Variants in WDR33 observed in about 807,000 individuals in gnomAD.
WDR33 encodes pre-mRNA 3' end processing protein WDR33.
WDR33 carries 47 observed loss-of-function variants against 164.9 expected under a neutral mutation model. The observed-to-expected ratio is 0.29, with a 90% CI of 0.23 to 0.36. The LOEUF (loss-of-function observed/expected upper bound fraction) is 0.36, where lower values mean the gene tolerates loss of function less well. Among genes scored for constraint, WDR33 ranks in the 10% least tolerant of loss-of-function variants. The pLI is 1.00. For synonymous variants in WDR33, 505 were observed against 589.0 expected (o/e 0.86, Z 2.06); for missense variants, 1,137 against 1,754.1 (o/e 0.65, Z 6.28).
chr2:127,805,159 C>G lies in WDR33; in HGVS notation c.-24+5853G>C, dbSNP rs556011073. 1.3e-3 allele frequency among the ~76,000 whole-genome samples: 195 copies of G among 147,360 alleles called. 2 individuals carry two copies. The highest frequency in any genetic ancestry group is 2.3e-3 in the Non-Finnish European group (158 of 67,506). On this transcript the variant is annotated intron_variant, in intron 1 of 21. Coordinates refer to ENST00000322313, the MANE Select transcript of WDR33 (RefSeq NM_018383.5). ...GCAGCAGGATGTCGGCTCACTGCAG[C>G]CTCCACCTCTCTGGCTCAAGCCATC...
At chr2:127,753,115 C>CG (rs1160180800) in intron 7 of WDR33, among the ~76,000 whole-genome samples, 5 of 151,946 alleles carry the variant, frequency 3.3e-5, no homozygotes, top group African/African-American at 1.2e-4. Context: ...TTAGTAGAGA[C>CG]GGGGTTTCAC....
Position 127,768,988 on chromosome 2 carries a change from T to C in WDR33, c.218A>G (p.Gln73Arg). Residue 73 changes from glutamine to arginine, a missense_variant, in exon 3 of 22, where the codon CAA becomes CGA. Around this residue, in one of 9 missense-constraint regions of WDR33, gnomAD observed 55 missense variants for 84.6 expected, o/e 0.65. Transcript: ENST00000322313. ...VIKYLENRIW[Q>R]RDQRDMRAIQ... ...TGCCCGCATATCTCTCTGGTCTCTTTGCCATATTCTGTTCTGTTAAATAAA... is the reference window on the plus strand; with the variant it reads ...TGCCCGCATATCTCTCTGGTCTCTTCGCCATATTCTGTTCTGTTAAATAAA... The C allele has an allele frequency of 6.4e-7, 1 of 1,561,304 alleles. No individual in the cohort carries two copies. The highest frequency in any genetic ancestry group is 8.7e-7 in the Non-Finnish European group (1 of 1,155,872).
Position 127,717,303 on chromosome 2 carries a change from G to A in WDR33, c.2761-40C>T. On this transcript the variant is annotated intron_variant, in intron 16 of 21. Transcript: ENST00000322313. This position sits in a 1 kb window ranked among gnomAD's most constrained non-coding sequence, Gnocchi z 5.6. ...TTAAAGTAAGGGTATGAAATCACAG[G>A]CTTGAGCTACATAAATAGTGATTGC... The A allele has an allele frequency of 6.7e-7, 1 of 1,485,358 alleles. No individual in the cohort carries two copies. Among genetic ancestry groups the A allele is most frequent in the Non-Finnish European group, 9.0e-7 (1 of 1,110,376 alleles). The allele number at this position is 1,485,358 out of a possible 1,614,324, so 92.0% of individuals were successfully genotyped here. A position where few individuals can be genotyped will look rare whatever the true frequency, so the allele number is the denominator to read the frequency against.
rs1238950907 is a variant in WDR33, at chr2:127,701,628, G to A, written c.*4695C>T. 13 of 1,332,126 alleles carry A rather than the reference G, an allele frequency of 9.8e-6. No individual in the cohort carries two copies. The highest frequency in any genetic ancestry group is 3.1e-5 in the East Asian group (1 of 32,514). The allele number at this position is 1,332,126 out of a possible 1,614,324, so 82.5% of individuals were successfully genotyped here. Reference sequence around the variant, plus strand: ...GCTGCTCGCCGCGGAGAAGGCGGAGGAGCCCGGGGACCGGCCGGCGGAGGA... The same window carrying A: ...GCTGCTCGCCGCGGAGAAGGCGGAGAAGCCCGGGGACCGGCCGGCGGAGGA... On this transcript the variant is annotated 3_prime_UTR_variant, in exon 22 of 22. Coordinates refer to ENST00000322313, the MANE Select transcript of WDR33 (RefSeq NM_018383.5).
At chr2:127,711,490 A>G (rs1360551503) in intron 18 of WDR33, among the ~76,000 whole-genome samples, 1 of 151,294 alleles carries the variant, frequency 6.6e-6, no homozygotes, top group Non-Finnish European at 1.5e-5. Flanking sequence ...AGATTCAATA[A>G]GTCAGTGAAC....
At chr2:127,729,990 A>C (rs1424968233) in intron 7 of WDR33, among the ~76,000 whole-genome samples, 3 of 152,232 alleles carry the variant, frequency 2.0e-5, no homozygotes, top group Non-Finnish European at 2.9e-5. Flanking sequence ...TCAAAAATGC[A>C]TACCATGTGT....
At chr2:127,800,180 A>G (rs751242374) in intron 1 of WDR33, among the ~76,000 whole-genome samples, 17 of 152,242 alleles carry the variant, frequency 1.1e-4, no homozygotes, top group Non-Finnish European at 1.5e-4. Context: ...TGAAAGCATT[A>G]TGTCCACACA....
intron 7 of WDR33, among the ~76,000 whole-genome samples, chr2:127,746,032 T>C (rs183870432): frequency 1.3e-3 from 53 of 39,356 alleles, no homozygotes; most frequent in Admixed American, 3.9e-3. Flanking sequence ...CTCTAAAACA[T>C]AAAATAATTA....
Position 127,703,554 on chromosome 2 carries a change from G to C in WDR33, c.*2769C>G, listed in dbSNP as rs1204007051. The C allele has an allele frequency of 6.0e-6, 1 of 167,104 alleles. No homozygotes were observed. Among genetic ancestry groups the C allele is most frequent in the African/African-American group, 2.4e-5 (1 of 41,450 alleles). The allele number at this position is 167,104 out of a possible 1,614,324, so 10.4% of individuals were successfully genotyped here. ...TGGCCAACATCCACACTGTAGGCTT[G>C]CAGGCTACCCGCCCTGAGATTTGGT... On this transcript the variant is annotated 3_prime_UTR_variant, in exon 22 of 22. Coordinates refer to ENST00000322313, the MANE Select transcript of WDR33 (RefSeq NM_018383.5).
intron 7 of WDR33, among the ~76,000 whole-genome samples, chr2:127,746,644 A>C (rs1488468098): frequency 6.6e-6 from 1 of 152,224 alleles, no homozygotes; most frequent in Non-Finnish European, 1.5e-5. Context: ...ATTCAAAGCC[A>C]AACTTGCTGA....
intron 8 of WDR33, among the ~76,000 whole-genome samples, chr2:127,725,913 G>C (rs983966523): frequency 6.6e-6 from 1 of 152,050 alleles, no homozygotes; most frequent in African/African-American, 2.4e-5. Context: ...TTAAGACAAA[G>C]CATAAAAATG....
chr2:127,706,604 C>A lies in WDR33; in HGVS notation c.3782-52G>T. 2 of 1,484,998 alleles carry A rather than the reference C, an allele frequency of 1.3e-6. No individual in the cohort carries two copies. Among genetic ancestry groups the A allele is most frequent in the South Asian group, 2.5e-5 (2 of 79,376 alleles). The allele number at this position is 1,484,998 out of a possible 1,614,324, so 92.0% of individuals were successfully genotyped here. On this transcript the variant is annotated intron_variant, in intron 21 of 21. Coordinates refer to ENST00000322313, the MANE Select transcript of WDR33 (RefSeq NM_018383.5). This position sits in a 1 kb window ranked among gnomAD's most constrained non-coding sequence, Gnocchi z 5.1. Reference sequence around the variant, plus strand: ...ACTTTTTGTATTAGCAACTGTTTGTCAGTAACTCCCAGTACAAACTTTACT... The same window carrying A: ...ACTTTTTGTATTAGCAACTGTTTGTAAGTAACTCCCAGTACAAACTTTACT...
At chr2:127,762,943 G>A in intron 7 of WDR33, 119 bp downstream of exon 7, 1 of 1,514,810 alleles carries the variant, frequency 6.6e-7, no homozygotes, top group South Asian at 1.3e-5. Flanking sequence ...GCCTGAGACG[G>A]TGTGTATATG....
At chr2:127,711,922 A>G (rs1404020866) in intron 18 of WDR33, among the ~76,000 whole-genome samples, 4 of 150,600 alleles carry the variant, frequency 2.7e-5, no homozygotes, top group African/African-American at 7.3e-5. Context: ...ACAGGCACGC[A>G]CCACCATGCC....
At position 127,714,198 on chromosome 2, in the gene WDR33, C is replaced by T. The variant is rs1686246295; in HGVS notation, c.2870-177G>A. Among the ~76,000 whole-genome samples, 1 of 152,170 alleles carries T rather than the reference C, an allele frequency of 6.6e-6. No homozygotes were observed. The highest frequency in any genetic ancestry group is 6.5e-5 in the Admixed American group (1 of 15,278). On this transcript the variant is annotated intron_variant, in intron 17 of 21. Transcript: ENST00000322313. This position sits in a 1 kb window ranked among gnomAD's most constrained non-coding sequence, Gnocchi z 4.3. Reference sequence around the variant, plus strand: ...GAAGCATTGGGTAATAGAACAGGAGCTTTGGGGTGCAGATTTCAACTTCAT... The same window carrying T: ...GAAGCATTGGGTAATAGAACAGGAGTTTTGGGGTGCAGATTTCAACTTCAT...
intron 7 of WDR33, among the ~76,000 whole-genome samples, chr2:127,760,466 G>C (rs1687644098): frequency 6.6e-6 from 1 of 152,296 alleles, no homozygotes; most frequent in South Asian, 2.1e-4. Flanking sequence ...TCTGAGTAGA[G>C]CTAAGTAAGT....
intron 7 of WDR33, among the ~76,000 whole-genome samples, chr2:127,757,609 C>T (rs893146446): frequency 2.0e-5 from 3 of 151,828 alleles, no homozygotes; most frequent in Non-Finnish European, 2.9e-5. Context: ...GCTAAGTCAA[C>T]GTAAGGAATT....
At chr2:127,727,001 A>G (rs1008177505) in intron 7 of WDR33, among the ~76,000 whole-genome samples, 2 of 152,118 alleles carry the variant, frequency 1.3e-5, no homozygotes, top group African/African-American at 4.8e-5. Context: ...CCTGGACCCA[A>G]GTGCATCTTC....
chr2:127,794,849 A>AG (rs1553481250), intron 1 of WDR33, among the ~76,000 whole-genome samples: 64 of 142,746 alleles, frequency 4.5e-4, no homozygotes, highest in East Asian at 2.0e-3. Flanking sequence ...AAAAAAAAAA[A>AG]AAAGAAAGAA....
Sources: gnomAD v4.1 joint callset for allele counts (sites outside exome capture counted in the v4.1 genomes callset) on GRCh38, gnomAD v4.1.1 for gene constraint, gnomAD v4.1.1 regional missense constraint, Gnocchi (gnomAD v3.1) non-coding constraint, MANE v1.5 for transcripts, NCBI Gene and HGNC (gene_info 2026-07-23, HGNC 2026-07-21) for gene names.